SV2B: variants seen among roughly 807,000 people sequenced by gnomAD.
SV2B encodes synaptic vesicle glycoprotein 2B.
In SV2B, 41 loss-of-function variants were observed where a neutral mutation model predicts 73.9. The ratio of observed to expected loss-of-function variants is 0.56; its 90% CI spans 0.43 to 0.72. The LOEUF (loss-of-function observed/expected upper bound fraction) is 0.72. SV2B is among the 30% of genes least tolerant of loss of function. The pLI, the probability that SV2B is intolerant of heterozygous loss-of-function variation, is 0.00. For synonymous variants in SV2B, 314 were observed against 314.2 expected, an observed-to-expected ratio of 1.00 and a Z score of 0.01; for missense variants, 764 against 857.8, an observed-to-expected ratio of 0.89 and a Z score of 1.37.
At chr15:91,183,346 A>G (rs905619325) in intron 1 of SV2B, among the ~76,000 whole-genome samples, 5 of 152,244 alleles carry the variant, frequency 3.3e-5, no homozygotes, top group Non-Finnish European at 7.3e-5. Flanking sequence ...TGAAATATGA[A>G]GTAGAGAATC....
intron 1 of SV2B, among the ~76,000 whole-genome samples, chr15:91,155,149 A>G (rs557602572): frequency 2.0e-5 from 3 of 152,264 alleles, no homozygotes; most frequent in South Asian, 2.1e-4. Flanking sequence ...TCACTATCCA[A>G]GAGAAGCCAT....
rs2041892866 is a variant in SV2B, at chr15:91,106,679, A to G, written c.-392+6316A>G. Among the ~76,000 whole-genome samples, 1 of 152,234 alleles carries G rather than the reference A, an allele frequency of 6.6e-6. No homozygotes were observed. The highest frequency in any genetic ancestry group is 1.5e-5 in the Non-Finnish European group (1 of 68,048). ...AAAAAATAGCTCATATTTTCAAAAA[A>G]TGAGAAAAGATCCTTTAGAGGGAGG... On this transcript the variant is annotated intron_variant, in intron 1 of 12. Coordinates refer to ENST00000394232, the MANE Select transcript of SV2B (RefSeq NM_001323032.3). This position sits in a 1 kb window ranked among gnomAD's most constrained non-coding sequence, Gnocchi z 4.4.
intron 1 of SV2B, among the ~76,000 whole-genome samples, chr15:91,133,407 G>GT (rs1246476525): frequency 2.0e-5 from 3 of 149,556 alleles, no homozygotes; most frequent in African/African-American, 7.4e-5. Flanking sequence ...TTTTGTTTTT[G>GT]TTTTTTGGTT....
At chr15:91,212,548 C>A (rs2045903496) in intron 1 of SV2B, among the ~76,000 whole-genome samples, 1 of 152,150 alleles carries the variant, frequency 6.6e-6, no homozygotes, top group African/African-American at 2.4e-5. Flanking sequence ...CACACGTGTT[C>A]CTGCGTCATC....
At position 91,297,136 on chromosome 15, in the gene SV2B, A is replaced by G. The variant is rs1006789798; in HGVS notation, c.*4584A>G. 6.5e-6 allele frequency: 1 copy of G among 154,224 alleles called. No homozygotes were observed. Among genetic ancestry groups the G allele is most frequent in the African/African-American group, 2.4e-5 (1 of 41,296 alleles). The allele number at this position is 154,224 out of a possible 1,614,324, so 9.6% of individuals were successfully genotyped here. ...CTCCTTCTGCCTGATTGTTGGAAGC[A>G]CGCTCCTTCTGCCTTCAGACTCCTT... is the stretch of plus-strand genomic sequence containing the variant. On this transcript the variant is annotated 3_prime_UTR_variant, in exon 13 of 13. Coordinates refer to ENST00000394232, the MANE Select transcript of SV2B (RefSeq NM_001323032.3). This position sits in a 1 kb window ranked among gnomAD's most constrained non-coding sequence, Gnocchi z 5.1.
At position 91,265,014 on chromosome 15, in the gene SV2B, A is replaced by G. The variant is rs1237290975; in HGVS notation, c.1009-1568A>G. Among the ~76,000 whole-genome samples, 1 of 152,334 alleles carries G rather than the reference A, an allele frequency of 6.6e-6. No individual in the cohort carries two copies. The highest frequency in any genetic ancestry group is 1.9e-4 in the East Asian group (1 of 5,186). ...AGTAAATGGCTGGATGGGCCAGAAA[A>G]AGAAATGAAAAAAGAGAGACAACCA... is the stretch of plus-strand genomic sequence containing the variant. On this transcript the variant is annotated intron_variant, in intron 6 of 12. Transcript: ENST00000394232. The surrounding 1 kb of genome is among the most constrained non-coding windows in gnomAD (Gnocchi z 4.2).
At chr15:91,269,420 C>T (rs2048220886) in intron 9 of SV2B, among the ~76,000 whole-genome samples, 1 of 152,184 alleles carries the variant, frequency 6.6e-6, no homozygotes, top group African/African-American at 2.4e-5. Context: ...AAATGGGTGG[C>T]CATGGGCTAT....
intron 1 of SV2B, among the ~76,000 whole-genome samples, chr15:91,160,194 T>C (rs1469876325): frequency 1.3e-5 from 2 of 152,214 alleles, no homozygotes; most frequent in Non-Finnish European, 2.9e-5. Context: ...GTTATCTTTT[T>C]GGAAAGGTGG....
chr15:91,152,755 GT>G (rs2043353593), intron 1 of SV2B, among the ~76,000 whole-genome samples: 1 of 152,070 alleles, frequency 6.6e-6, no homozygotes, highest in South Asian at 2.1e-4. Flanking sequence ...AAGGAAAGAG[GT>G]TTTCTTTCTG....
chr15:91,231,773 G>C lies in SV2B; in HGVS notation c.451+5059G>C, dbSNP rs1297362885. Among the ~76,000 whole-genome samples the C allele has an allele frequency of 6.6e-6, 1 of 152,146 alleles. No homozygotes were observed. The highest frequency in any genetic ancestry group is 1.5e-5 in the Non-Finnish European group (1 of 68,028). On this transcript the variant is annotated intron_variant, in intron 2 of 12. Coordinates refer to ENST00000394232, the MANE Select transcript of SV2B (RefSeq NM_001323032.3). The surrounding 1 kb of genome is among the most constrained non-coding windows in gnomAD (Gnocchi z 4.5). ...TTCTTGGAAGGATCCAGTGACTTGT[G>C]TATTTTATTGGCTGTTAGTTTCTTG...
chr15:91,225,620 G>A (rs929975860), intron 1 of SV2B, among the ~76,000 whole-genome samples: 1 of 152,016 alleles, frequency 6.6e-6, no homozygotes, highest in Non-Finnish European at 1.5e-5. Flanking sequence ...TGCCATGCTG[G>A]TTTGCTGCAC....
At chr15:91,148,694 C>G (rs144567315) in intron 1 of SV2B, among the ~76,000 whole-genome samples, 1 of 152,120 alleles carries the variant, frequency 6.6e-6, no homozygotes, top group African/African-American at 2.4e-5. Context: ...CATGATTTTG[C>G]AGGCTGAGAA....
chr15:91,156,503 T>C (rs2043495863), intron 1 of SV2B, among the ~76,000 whole-genome samples: 1 of 152,164 alleles, frequency 6.6e-6, no homozygotes, highest in Non-Finnish European at 1.5e-5. Context: ...CAGGTAGGAA[T>C]CAGGAGCTGA....
At chr15:91,269,025 G>T (rs2048206525) in intron 9 of SV2B, among the ~76,000 whole-genome samples, 1 of 152,086 alleles carries the variant, frequency 6.6e-6, no homozygotes, top group African/African-American at 2.4e-5. Context: ...GACAAATAAA[G>T]CCCTGTTGTT....
chr15:91,237,396 C>T lies in SV2B; in HGVS notation c.451+10682C>T, dbSNP rs144433802. On this transcript the variant is annotated intron_variant, in intron 2 of 12. Coordinates refer to ENST00000394232, the MANE Select transcript of SV2B (RefSeq NM_001323032.3). ...CAACCAGAAACGTCTCCAGGTATTG[C>T]TAAATGTCCCCTGGGGGGAAAAATC... 1.9e-3 allele frequency among the ~76,000 whole-genome samples: 295 copies of T among 152,332 alleles called. 4 individuals are homozygous for T. The highest frequency in any genetic ancestry group is 7.7e-3 in the Admixed American group (118 of 15,294).
In SV2B at chr15:91,299,042, C is replaced by A. The variant is rs770956571; in HGVS notation, c.*6490C>A. The A allele has an allele frequency of 1.3e-5, 2 of 152,086 alleles. No individual in the cohort carries two copies. The highest frequency in any genetic ancestry group is 6.5e-5 in the Admixed American group (1 of 15,272). The allele number at this position is 152,086 out of a possible 1,614,324, so 9.4% of individuals were successfully genotyped here. A position where few individuals can be genotyped will look rare whatever the true frequency, so the allele number is the denominator to read the frequency against. On this transcript the variant is annotated 3_prime_UTR_variant, in exon 13 of 13. Transcript: ENST00000394232. ...CAAAAATGACAAGTAAGTGAGGTAA[C>A]GCATGAGCTAAATAGCTTGATTTAG...
chr15:91,109,301 T>A (rs1254211722), intron 1 of SV2B, among the ~76,000 whole-genome samples: 2 of 152,206 alleles, frequency 1.3e-5, no homozygotes, highest in Non-Finnish European at 2.9e-5. Context: ...CAGAAGCTGA[T>A]TGTTGAATCA....
intron 1 of SV2B, among the ~76,000 whole-genome samples, chr15:91,107,160 G>A (rs1194649544): frequency 1.3e-5 from 2 of 152,072 alleles, no homozygotes; most frequent in African/African-American, 4.8e-5. Flanking sequence ...AGAAGGAAGT[G>A]TGAGAAAGAG....
At chr15:91,257,432 A>AG (rs1358379871) in intron 4 of SV2B, among the ~76,000 whole-genome samples, 1 of 152,192 alleles carries the variant, frequency 6.6e-6, no homozygotes, top group East Asian at 1.9e-4. Context: ...GCTACCCATG[A>AG]GGATATTCAA....
Sources: allele counts gnomAD v4.1 joint callset (sites outside exome capture counted in the v4.1 genomes callset), GRCh38; gene constraint gnomAD v4.1.1; non-coding constraint Gnocchi (gnomAD v3.1); transcripts MANE v1.5; gene names NCBI Gene and HGNC (gene_info 2026-07-23, HGNC 2026-07-21).